The following ALLC variants were observed in gnomAD, a reference collection of about 807,000 sequenced individuals.
ALLC encodes the protein probable inactive allantoicase.
Under a neutral mutation model 45.0 loss-of-function variants are expected in ALLC, and 40 were observed. That is an observed-to-expected ratio of 0.89 (90% CI 0.69 to 1.16). The LOEUF (loss-of-function observed/expected upper bound fraction) is 1.16, where lower values mean the gene tolerates loss of function less well. ALLC is among the 50% of genes most tolerant of loss of function. The pLI is 0.00. For synonymous variants in ALLC, 176 were observed against 178.1 expected, an observed-to-expected ratio of 0.99 and a Z score of 0.09; for missense variants, 488 against 493.1, an observed-to-expected ratio of 0.99 and a Z score of 0.10.
At chr2:3,702,264 CGG>C in intron 11 of ALLC, 97 bp from the exon 12 acceptor site, 1 of 950,140 alleles carries the variant, frequency 1.1e-6, no homozygotes, top group South Asian at 1.8e-5. Context: ...AAAGCCCCTT[CGG>C]TTAAGTCTAA....
chr2:3,663,168 C>T (rs1343558900), intron 1 of ALLC, among the ~76,000 whole-genome samples: 1 of 152,136 alleles, frequency 6.6e-6, no homozygotes, highest in African/African-American at 2.4e-5. Context: ...AGACATAGAA[C>T]CAACCTAAAT....
In ALLC at chr2:3,702,518, G is replaced by A. The variant is rs1391260223; in HGVS notation, c.1131G>A (p.Glu377=). Residue 377 remains glutamate (E), a synonymous_variant, in exon 12 of 12, where the codon GAG becomes GAA. Transcript: ENST00000252505. ...CCATCTGCCTCCTGAGGCCCCGGGA[G>A]AAGCCCATGTTGAAGTTCTCGGTGA... ...PSSICLLRPR[E]KPMLKFSVSF... 4 of 1,608,616 alleles carry A rather than the reference G, an allele frequency of 2.5e-6. No homozygotes were observed. Among genetic ancestry groups the A allele is most frequent in the African/African-American group, 1.3e-5 (1 of 74,612 alleles).
chr2:3,679,789 C>T (rs2148006069), intron 4 of ALLC, 80 bp from the exon 5 acceptor site: 1 of 1,585,144 alleles, frequency 6.3e-7, no homozygotes, highest in East Asian at 2.3e-5. Flanking sequence ...GGGTCAGGTG[C>T]ATGTGGGGTG....
At chr2:3,679,618 C>G (rs1667117335) in intron 4 of ALLC, among the ~76,000 whole-genome samples, 1 of 152,222 alleles carries the variant, frequency 6.6e-6, no homozygotes, top group Non-Finnish European at 1.5e-5. Flanking sequence ...TCAGGTCTTC[C>G]TGGATCCCAG....
At chr2:3,684,932 T>C (rs1667286346) in intron 7 of ALLC, among the ~76,000 whole-genome samples, 1 of 152,226 alleles carries the variant, frequency 6.6e-6, no homozygotes, top group Admixed American at 6.5e-5. Flanking sequence ...TGTGTATATA[T>C]ACCACTTTTA....
intron 3 of ALLC, among the ~76,000 whole-genome samples, chr2:3,675,844 G>A (rs943846229): frequency 1.8e-4 from 28 of 152,208 alleles, no homozygotes; most frequent in South Asian, 6.2e-4. Flanking sequence ...CTGCAGATGG[G>A]TGGTGGCTTA....
chr2:3,696,193 T>G, intron 8 of ALLC, 82 bp from the exon 9 acceptor site: 3 of 1,110,832 alleles, frequency 2.7e-6, no homozygotes, highest in Non-Finnish European at 1.3e-6. Context: ...ATGCATAAGA[T>G]CTGTAATTTA....
At chr2:3,671,340 C>A in intron 2 of ALLC, 150 bp downstream of exon 2, 3 of 866,782 alleles carry the variant, frequency 3.5e-6, no homozygotes, top group Non-Finnish European at 3.6e-6. Flanking sequence ...GAAAGACTTC[C>A]AAAGAATTTA....
intron 1 of ALLC, among the ~76,000 whole-genome samples, chr2:3,665,549 T>C (rs1030154815): frequency 6.6e-6 from 1 of 152,190 alleles, no homozygotes; most frequent in African/African-American, 2.4e-5. Context: ...CACTTATGAG[T>C]GAGAACATGT....
intron 10 of ALLC, among the ~76,000 whole-genome samples, chr2:3,699,664 GTTAT>G (rs1166875200): frequency 6.6e-6 from 1 of 152,066 alleles, no homozygotes; most frequent in Non-Finnish European, 1.5e-5. Flanking sequence ...GTCAACAACT[GTTAT>G]TTTTTGATTT....
At chr2:3,655,093 G>A (rs1666411862), upstream of ALLC, among the ~76,000 whole-genome samples, 1 of 152,242 alleles carries the variant, frequency 6.6e-6, no homozygotes, top group Non-Finnish European at 1.5e-5. Context: ...CCAGGTCACT[G>A]GTGGGGTCAG....
chr2:3,651,362 T>G, the ALLC span, among the ~76,000 whole-genome samples: 2 of 5,292 alleles, frequency 3.8e-4, 1 homozygote, highest in African/African-American at 1.8e-3. Context: ...TGTGTGTGTG[T>G]GTGTGTGTGT....
At chr2:3,656,745 GAAGCACA>G (rs897776878), upstream of ALLC, among the ~76,000 whole-genome samples, 1 of 152,188 alleles carries the variant, frequency 6.6e-6, no homozygotes, top group Non-Finnish European at 1.5e-5. Context: ...AGGTGATTTG[GAAGCACA>G]TTAGATTGTA....
the ALLC span, among the ~76,000 whole-genome samples, chr2:3,648,093 G>C: frequency 6.6e-6 from 1 of 152,158 alleles, no homozygotes; most frequent in African/African-American, 2.4e-5. Flanking sequence ...GAGCCCGGCA[G>C]CCCTGGCAGC....
intron 8 of ALLC, 31 bp from the exon 9 acceptor site, chr2:3,696,244 G>C: frequency 6.3e-7 from 1 of 1,582,582 alleles, no homozygotes; most frequent in South Asian, 1.1e-5. Context: ...AAATCATGCA[G>C]TTTACCATTC....
At chr2:3,668,555 A>G (rs1572508388) in intron 1 of ALLC, among the ~76,000 whole-genome samples, 1 of 141,618 alleles carries the variant, frequency 7.1e-6, no homozygotes, top group African/African-American at 2.7e-5. Flanking sequence ...TAATATGCAT[A>G]ATGTGTATGA....
At chr2:3,660,906 CAAAAAA>C (rs1666558905) in intron 1 of ALLC, among the ~76,000 whole-genome samples, 2 of 151,778 alleles carry the variant, frequency 1.3e-5, no homozygotes, top group African/African-American at 4.8e-5. Flanking sequence ...AGCAGGTGAT[CAAAAAA>C]GGTTGCTTTA....
chr2:3,669,795 C>G (rs1032195948), intron 1 of ALLC, among the ~76,000 whole-genome samples: 8 of 152,102 alleles, frequency 5.3e-5, no homozygotes, highest in Admixed American at 6.6e-5. Context: ...GGCTGCTCCT[C>G]CCGGAGGTGG....
At chr2:3,659,973 G>T (rs888235760) in intron 1 of ALLC, among the ~76,000 whole-genome samples, 1 of 152,212 alleles carries the variant, frequency 6.6e-6, no homozygotes, top group African/African-American at 2.4e-5. Context: ...TTTATCTTAG[G>T]GGTGGGGAGA....
Sources: gnomAD v4.1 joint callset for allele counts (sites outside exome capture counted in the v4.1 genomes callset) on GRCh38, gnomAD v4.1.1 for gene constraint, MANE v1.5 for transcripts, NCBI Gene and HGNC (gene_info 2026-07-23, HGNC 2026-07-21) for gene names.